Variants in SGCZ observed in about 807,000 individuals in gnomAD.
SGCZ encodes the protein sarcoglycan zeta.
A neutral mutation model predicts 41.3 loss-of-function variants in SGCZ; 40 were observed. The ratio of observed to expected loss-of-function variants is 0.97; its 90% confidence interval spans 0.75 to 1.26. The LOEUF is 1.26. SGCZ is among the 50% of genes most tolerant of loss of function. SGCZ has a pLI of 0.00. For synonymous variants in SGCZ, 206 were observed against 137.5 expected (o/e 1.50, Z -3.49); for missense variants, 552 against 369.8 (o/e 1.49, Z -4.04).
intron 1 of SGCZ, among the ~76,000 whole-genome samples, chr8:14,640,352 G>A (rs1323854052): frequency 6.6e-6 from 1 of 151,620 alleles, no homozygotes; most frequent in African/African-American, 2.4e-5. Context: ...GCACTTTGAA[G>A]ATATCGTTAT....
chr8:14,842,178 G>A (rs1450663885), intron 1 of SGCZ, among the ~76,000 whole-genome samples: 2 of 152,140 alleles, frequency 1.3e-5, no homozygotes, highest in East Asian at 3.9e-4. Flanking sequence ...ATCTTCTGAA[G>A]TAAATGGAGT....
intron 2 of SGCZ, among the ~76,000 whole-genome samples, chr8:14,513,459 A>G (rs1176107891): frequency 9.6e-6 from 1 of 104,620 alleles, no homozygotes; most frequent in East Asian, 2.1e-4. Flanking sequence ...TTATTTGTAA[A>G]TTTTTATACT....
At chr8:14,331,442 T>C (rs1482771991) in intron 2 of SGCZ, among the ~76,000 whole-genome samples, 1 of 152,070 alleles carries the variant, frequency 6.6e-6, no homozygotes, top group African/African-American at 2.4e-5. Context: ...AAACAAAACA[T>C]AAGTTGATGG....
At chr8:15,136,542 C>G (rs77002759) in intron 1 of SGCZ, among the ~76,000 whole-genome samples, 173 of 152,254 alleles carry the variant, frequency 1.1e-3, no homozygotes, top group African/African-American at 4.0e-3. Context: ...CCATAATCCT[C>G]AGGTGTCATG....
At chr8:14,342,446 G>T (rs1028416234) in intron 2 of SGCZ, among the ~76,000 whole-genome samples, 5 of 152,056 alleles carry the variant, frequency 3.3e-5, no homozygotes, top group Admixed American at 1.3e-4. Flanking sequence ...CCTCCCAGTA[G>T]CTGGGACTAC....
At chr8:15,161,314 T>C (rs1450076405) in intron 1 of SGCZ, among the ~76,000 whole-genome samples, 1 of 152,190 alleles carries the variant, frequency 6.6e-6, no homozygotes, top group East Asian at 1.9e-4. Flanking sequence ...CAGGTAACCA[T>C]ATTTAAAATT....
chr8:14,645,505 A>C (rs1585150434), intron 1 of SGCZ, among the ~76,000 whole-genome samples: 1 of 108,944 alleles, frequency 9.2e-6, no homozygotes, highest in East Asian at 5.7e-4. Context: ...TATATATGGC[A>C]CATATATGCA....
chr8:14,601,961 A>C (rs1425201686), intron 1 of SGCZ, among the ~76,000 whole-genome samples: 2 of 151,946 alleles, frequency 1.3e-5, no homozygotes, highest in Non-Finnish European at 2.9e-5. Flanking sequence ...TCTACTGAAA[A>C]CACAAAAAAT....
intron 2 of SGCZ, among the ~76,000 whole-genome samples, chr8:14,358,310 T>G (rs1803369150): frequency 6.6e-6 from 1 of 152,084 alleles, no homozygotes; most frequent in Non-Finnish European, 1.5e-5. Context: ...GCAGAAAGGG[T>G]TTAGTGAGTT....
intron 1 of SGCZ, among the ~76,000 whole-genome samples, chr8:14,873,261 G>T (rs185350530): frequency 6.6e-6 from 1 of 152,216 alleles, no homozygotes; most frequent in Admixed American, 6.5e-5. Context: ...CACTTTAAAG[G>T]CTACAAAAGA....
intron 1 of SGCZ, among the ~76,000 whole-genome samples, chr8:14,806,864 A>T (rs994991049): frequency 2.0e-5 from 3 of 151,498 alleles, no homozygotes; most frequent in Admixed American, 6.6e-5. Context: ...CCAGCAGCAC[A>T]TCAAAAAGCT....
intron 1 of SGCZ, among the ~76,000 whole-genome samples, chr8:14,645,486 A>ATATATATATATT (rs1807182493): frequency 7.0e-6 from 1 of 143,526 alleles, no homozygotes; most frequent in Non-Finnish European, 1.5e-5. Flanking sequence ...ATTTATATGT[A>ATATATATATATT]TATATATATA....
chr8:14,805,590 G>A lies in SGCZ; in HGVS notation c.40-250664C>T, dbSNP rs564847892. Among the ~76,000 whole-genome samples the A allele has an allele frequency of 5.2e-4, 71 of 135,670 alleles. 1 individual carries two copies. Among genetic ancestry groups the A allele is most frequent in the African/African-American group, 1.6e-3 (66 of 40,460 alleles). The allele number at this position is 135,670 out of a possible 152,430, so 89.0% of individuals were successfully genotyped here. On this transcript the variant is annotated intron_variant, in intron 1 of 7. Coordinates refer to ENST00000382080, the MANE Select transcript of SGCZ (RefSeq NM_139167.4). ...CCCAGATTCATAAAGCACGTCCTGA[G>A]TGACCTACAAAGAGACTTAGACTCC...
At chr8:14,325,731 CACACACACACACACACATATATATATAT>C (rs1433218829) in intron 2 of SGCZ, among the ~76,000 whole-genome samples, 1 of 29,418 alleles carries the variant, frequency 3.4e-5, no homozygotes, top group Non-Finnish European at 8.2e-5. Flanking sequence ...CACACACACA[CACACACACACACACACATATATATATAT>C]ATATATATAT....
chr8:14,709,055 G>A (rs1219855916), intron 1 of SGCZ, among the ~76,000 whole-genome samples: 2 of 152,054 alleles, frequency 1.3e-5, no homozygotes. Context: ...ATATTTCAAC[G>A]AAATTATGGT....
intron 2 of SGCZ, among the ~76,000 whole-genome samples, chr8:14,430,207 C>G (rs1284241168): frequency 6.6e-6 from 1 of 152,060 alleles, no homozygotes; most frequent in Admixed American, 6.6e-5. Context: ...AAGCCAGTAT[C>G]ACCCTAATAC....
At chr8:14,440,870 C>CAG (rs1323132351) in intron 2 of SGCZ, among the ~76,000 whole-genome samples, 3 of 151,184 alleles carry the variant, frequency 2.0e-5, no homozygotes, top group Admixed American at 2.0e-4. Context: ...CACACACACA[C>CAG]ACGCACACAC....
chr8:14,212,039 G>A (rs1054167866), intron 4 of SGCZ, among the ~76,000 whole-genome samples: 1 of 152,072 alleles, frequency 6.6e-6, no homozygotes, highest in African/African-American at 2.4e-5. Flanking sequence ...TCCTCTATCT[G>A]CTATTCTGTA....
At chr8:14,718,608 C>T (rs1437213820) in intron 1 of SGCZ, among the ~76,000 whole-genome samples, 9 of 151,826 alleles carry the variant, frequency 5.9e-5, no homozygotes, top group African/African-American at 1.9e-4. Flanking sequence ...TACAATTTAA[C>T]AATGCTTAGA....
Sources: gnomAD v4.1 joint callset for allele counts (sites outside exome capture counted in the v4.1 genomes callset) on GRCh38, gnomAD v4.1.1 for gene constraint, MANE v1.5 for transcripts, NCBI Gene and HGNC (gene_info 2026-07-23, HGNC 2026-07-21) for gene names.